Variants in LIMCH1 observed in about 807,000 individuals in gnomAD.
LIMCH1 encodes the protein LIM and calponin homology domains 1.
Under a neutral mutation model 176.5 loss-of-function variants are expected in LIMCH1, and 113 were observed. That is an observed-to-expected ratio of 0.64 (90% CI 0.55 to 0.75). The LOEUF (loss-of-function observed/expected upper bound fraction) is 0.75. Ranked by LOEUF, LIMCH1 falls within the 30% of genes least tolerant of loss-of-function variation. The probability of loss-of-function intolerance (pLI) is 0.00; values close to 1 mark genes in which losing one functional copy is unlikely to be tolerated. For synonymous variants in LIMCH1, 619 were observed against 645.9 expected, an observed-to-expected ratio of 0.96 and a Z score of 0.63; for missense variants, 1,674 against 1,814.9, an observed-to-expected ratio of 0.92 and a Z score of 1.41.
At chr4:41,516,542 A>G (rs2075603123) in intron 2 of LIMCH1, among the ~76,000 whole-genome samples, 1 of 152,156 alleles carries the variant, frequency 6.6e-6, no homozygotes, top group African/African-American at 2.4e-5. Flanking sequence ...TTTGATTTTT[A>G]TGCCTTTTCT....
At chr4:41,649,541 A>G (rs1163190178) in intron 17 of LIMCH1, among the ~76,000 whole-genome samples, 2 of 152,256 alleles carry the variant, frequency 1.3e-5, no homozygotes, top group African/African-American at 4.8e-5. Context: ...TGAGGAAGAT[A>G]CTGTTACTTT....
intron 1 of LIMCH1, among the ~76,000 whole-genome samples, chr4:41,568,176 C>T (rs142262190): frequency 1.3e-3 from 191 of 152,158 alleles, no homozygotes; most frequent in South Asian, 7.7e-3. Flanking sequence ...GCAGCTATGA[C>T]GGTTACTTAA....
chr4:41,390,093 T>C (rs576872178), intron 1 of LIMCH1, among the ~76,000 whole-genome samples: 1 of 152,158 alleles, frequency 6.6e-6, no homozygotes, highest in Middle Eastern at 3.4e-3. Context: ...ACAGAGCACA[T>C]GACATTCCTG....
chr4:41,532,993 T>G (rs548118548), intron 3 of LIMCH1, among the ~76,000 whole-genome samples: 5 of 152,046 alleles, frequency 3.3e-5, no homozygotes, highest in Non-Finnish European at 5.9e-5. Context: ...CAGGCCAGAG[T>G]AGGGAGCTTA....
At chr4:41,546,765 A>G (rs1005175394) in intron 1 of LIMCH1, among the ~76,000 whole-genome samples, 2 of 152,050 alleles carry the variant, frequency 1.3e-5, no homozygotes, top group Admixed American at 6.6e-5. Flanking sequence ...GGTAAGCCCC[A>G]TTCTTCCCCT....
intron 1 of LIMCH1, chr4:41,418,707 T>A (rs1337203625): frequency 6.6e-6 from 1 of 152,174 alleles, no homozygotes. Flanking sequence ...CCAGGGCTAG[T>A]GTGTGGTTAG....
chr4:41,452,503 A>G (rs1428306545), intron 1 of LIMCH1, among the ~76,000 whole-genome samples: 1 of 152,190 alleles, frequency 6.6e-6, no homozygotes, highest in South Asian at 2.1e-4. Flanking sequence ...AGTTCCCTGC[A>G]TCCTCATCAA....
intron 1 of LIMCH1, among the ~76,000 whole-genome samples, chr4:41,367,083 C>A (rs910059880): frequency 6.6e-6 from 1 of 152,194 alleles, no homozygotes; most frequent in Non-Finnish European, 1.5e-5. Context: ...CACTCACCAT[C>A]ATGAGAACAG....
At chr4:41,494,991 A>T (rs937216036) in intron 2 of LIMCH1, among the ~76,000 whole-genome samples, 1 of 152,234 alleles carries the variant, frequency 6.6e-6, no homozygotes, top group Non-Finnish European at 1.5e-5. Flanking sequence ...CAGTGCTTCT[A>T]TATACTTACA....
intron 1 of LIMCH1, among the ~76,000 whole-genome samples, chr4:41,416,333 C>G (rs938751641): frequency 6.6e-6 from 1 of 151,900 alleles, no homozygotes; most frequent in Non-Finnish European, 1.5e-5. Context: ...TAATATTTAC[C>G]CTGGTATGCT....
intron 20 of LIMCH1, among the ~76,000 whole-genome samples, chr4:41,664,066 G>A (rs896612314): frequency 5.3e-5 from 8 of 151,754 alleles, no homozygotes; most frequent in Admixed American, 2.0e-4. Context: ...AACAATCCAA[G>A]CCCATTCCAG....
At chr4:41,645,674 T>C (rs550693623) in intron 15 of LIMCH1, among the ~76,000 whole-genome samples, 1 of 152,310 alleles carries the variant, frequency 6.6e-6, no homozygotes, top group Non-Finnish European at 1.5e-5. Context: ...TCACCAGATC[T>C]AAAGACTCCA....
intron 6 of LIMCH1, chr4:41,620,087 T>G: frequency 4.3e-6 from 1 of 231,360 alleles, no homozygotes; most frequent in Non-Finnish European, 8.5e-6. Flanking sequence ...TAAAATAAAC[T>G]TGTCTAATAG....
At chr4:41,584,579 G>A (rs1238939483) in intron 1 of LIMCH1, among the ~76,000 whole-genome samples, 1 of 152,192 alleles carries the variant, frequency 6.6e-6, no homozygotes, top group Non-Finnish European at 1.5e-5. Flanking sequence ...GAACTCTCAA[G>A]TGGGGAGTAT....
chr4:41,480,571 C>T (rs1426464160), intron 1 of LIMCH1, among the ~76,000 whole-genome samples: 1 of 152,178 alleles, frequency 6.6e-6, no homozygotes, highest in Non-Finnish European at 1.5e-5. Context: ...TGCGCCTCTG[C>T]ACTCCAGCCT....
At chr4:41,548,123 A>G (rs935099826) in intron 1 of LIMCH1, among the ~76,000 whole-genome samples, 1 of 151,726 alleles carries the variant, frequency 6.6e-6, no homozygotes, top group African/African-American at 2.4e-5. Context: ...GTGAATGATG[A>G]TGTATACTTC....
At chr4:41,545,159 A>G (rs1366505728) in intron 1 of LIMCH1, among the ~76,000 whole-genome samples, 1 of 152,244 alleles carries the variant, frequency 6.6e-6, no homozygotes, top group Non-Finnish European at 1.5e-5. Flanking sequence ...GAATGCTAAG[A>G]AAAACTTAAG....
intron 8 of LIMCH1, among the ~76,000 whole-genome samples, chr4:41,627,280 G>C (rs1295827452): frequency 6.6e-6 from 1 of 152,166 alleles, no homozygotes; most frequent in Non-Finnish European, 1.5e-5. Context: ...GAATTCCAGT[G>C]TGTAGATGTG....
At chr4:41,582,599 G>A (rs1204638830) in intron 1 of LIMCH1, among the ~76,000 whole-genome samples, 1 of 152,170 alleles carries the variant, frequency 6.6e-6, no homozygotes, top group Non-Finnish European at 1.5e-5. Flanking sequence ...ATTTACGTGT[G>A]TGCCATTAAG....
Sources: allele counts gnomAD v4.1 joint callset (sites outside exome capture counted in the v4.1 genomes callset), GRCh38; gene constraint gnomAD v4.1.1; transcripts MANE v1.5; gene names NCBI Gene and HGNC (gene_info 2026-07-23, HGNC 2026-07-21).